NRCAM: variants seen among roughly 807,000 people sequenced by gnomAD.
NRCAM encodes the protein NgCAM-related cell adhesion molecule.
NRCAM carries 83 observed loss-of-function variants against 156.5 expected under a neutral mutation model. The observed-to-expected ratio is 0.53, with a 90% CI of 0.44 to 0.64. NRCAM has a LOEUF of 0.64. Among genes scored for constraint, NRCAM ranks in the 30% least tolerant of loss-of-function variants. The probability of loss-of-function intolerance (pLI) is 0.00; values close to 1 mark genes in which losing one functional copy is unlikely to be tolerated. For synonymous variants in NRCAM, 538 were observed against 563.9 expected, an observed-to-expected ratio of 0.95 and a Z score of 0.65; for missense variants, 1,417 against 1,597.3, an observed-to-expected ratio of 0.89 and a Z score of 1.92.
At chr7:108,406,751 T>G (rs1563666276) in intron 1 of NRCAM, among the ~76,000 whole-genome samples, 1 of 152,248 alleles carries the variant, frequency 6.6e-6, no homozygotes, top group African/African-American at 2.4e-5. Flanking sequence ...TTTGCTTTGA[T>G]GACTCTGAAA....
chr7:108,207,805 T>C lies in NRCAM; in HGVS notation c.1076-146A>G. The C allele has an allele frequency of 8.5e-6, 5 of 589,506 alleles. No individual in the cohort carries two copies. The Admixed American group carries it at 1.4e-4, about 16-fold the overall frequency. 36.5% of individuals were successfully genotyped at this position (589,506 alleles called of 1,614,324 possible). ...TTTGAGCGAATAGATTTATAAACAA[T>C]GCTTCAAAGAACACTTAAGATTTTC... On this transcript the variant is annotated intron_variant, in intron 12 of 32. Coordinates refer to ENST00000379028, the MANE Select transcript of NRCAM (RefSeq NM_001037132.4).
intron 14 of NRCAM, among the ~76,000 whole-genome samples, chr7:108,197,266 C>A (rs1185590745): frequency 6.6e-6 from 1 of 152,146 alleles, no homozygotes; most frequent in East Asian, 1.9e-4. Context: ...GATTAGTGAC[C>A]TTCATTTCAA....
chr7:108,166,804 A>G (rs2054649915), intron 30 of NRCAM, 117 bp downstream of exon 30: 1 of 823,418 alleles, frequency 1.2e-6, no homozygotes, highest in East Asian at 2.7e-5. Context: ...AGGGCCCCAT[A>G]GAAAGACATT....
chr7:108,184,127 T>C, intron 22 of NRCAM, 114 bp downstream of exon 22: 1 of 544,124 alleles, frequency 1.8e-6, no homozygotes, highest in Non-Finnish European at 3.0e-6. Context: ...TATATATATA[T>C]ATTTTTTTTC....
At chr7:108,325,797 G>T (rs1250993193) in intron 2 of NRCAM, among the ~76,000 whole-genome samples, 1 of 151,888 alleles carries the variant, frequency 6.6e-6, no homozygotes, top group African/African-American at 2.4e-5. Context: ...GTAAATATTA[G>T]TTGAATTAGT....
At chr7:108,386,778 T>C (rs2099742123) in intron 2 of NRCAM, among the ~76,000 whole-genome samples, 2 of 152,184 alleles carry the variant, frequency 1.3e-5, no homozygotes, top group South Asian at 2.1e-4. Flanking sequence ...AATGTGGATA[T>C]AGTGATTATT....
intron 3 of NRCAM, among the ~76,000 whole-genome samples, chr7:108,252,050 A>C (rs1246165860): frequency 1.3e-5 from 2 of 152,220 alleles, no homozygotes; most frequent in Non-Finnish European, 2.9e-5. Flanking sequence ...GGGAGGTGGC[A>C]TCAGAAAGAG....
intron 2 of NRCAM, among the ~76,000 whole-genome samples, chr7:108,355,973 G>A (rs962848184): frequency 5.4e-5 from 8 of 148,048 alleles, no homozygotes; most frequent in African/African-American, 7.5e-5. Context: ...ATGGAGTCTC[G>A]CTCTGTTGCC....
chr7:108,220,159 C>T (rs557727128), intron 11 of NRCAM, among the ~76,000 whole-genome samples: 55 of 151,592 alleles, frequency 3.6e-4, no homozygotes, highest in African/African-American at 1.3e-3. Context: ...GGCAAAAGAC[C>T]TCTACAAGGA....
chr7:108,190,280 T>A (rs1454314500), intron 19 of NRCAM, among the ~76,000 whole-genome samples: 1 of 152,200 alleles, frequency 6.6e-6, no homozygotes, highest in Non-Finnish European at 1.5e-5. Flanking sequence ...TCAGCATGCA[T>A]AAGTGTGTTT....
intron 1 of NRCAM, among the ~76,000 whole-genome samples, chr7:108,415,058 A>C (rs1563704742): frequency 6.6e-6 from 1 of 151,922 alleles, no homozygotes; most frequent in African/African-American, 2.4e-5. Context: ...GAAAAAAAAT[A>C]CTCCATTTCT....
chr7:108,180,490 C>T lies in NRCAM; in HGVS notation c.2647-63G>A, dbSNP rs1196154666. ...GAGCAAACAAGATTCCTTATGCTCA[C>T]AAAATTGAAACTGTTGTTTTTCCAG... On this transcript the variant is annotated intron_variant, in intron 24 of 32. Transcript: ENST00000379028. 4.5e-6 allele frequency: 6 copies of T among 1,343,656 alleles called. No individual in the cohort carries two copies. The East Asian group carries it at 6.9e-5, about 16-fold the overall frequency. The allele number at this position is 1,343,656 out of a possible 1,614,324, so 83.2% of individuals were successfully genotyped here.
At chr7:108,231,279 G>T in intron 7 of NRCAM, 126 bp from the exon 8 acceptor site, 1 of 618,678 alleles carries the variant, frequency 1.6e-6, no homozygotes, top group Non-Finnish European at 2.6e-6. Flanking sequence ...CTAAATTAAT[G>T]AGAAAATATT....
At chr7:108,209,356 C>A in intron 12 of NRCAM, 65 bp downstream of exon 12, 3 of 1,125,812 alleles carry the variant, frequency 2.7e-6, no homozygotes, top group Middle Eastern at 2.2e-4. Flanking sequence ...GTAATGAAAA[C>A]CACATTTAAT....
intron 2 of NRCAM, among the ~76,000 whole-genome samples, chr7:108,392,020 T>G (rs1276242232): frequency 6.6e-6 from 1 of 152,234 alleles, no homozygotes; most frequent in Non-Finnish European, 1.5e-5. Context: ...TTTCCTTCAT[T>G]TCAACTTTGG....
intron 32 of NRCAM, 27 bp from the exon 33 acceptor site, chr7:108,150,174 C>T: frequency 6.4e-7 from 1 of 1,556,620 alleles, no homozygotes; most frequent in Non-Finnish European, 8.7e-7. Flanking sequence ...ACATTTTTGT[C>T]AAGATTGGCA....
At chr7:108,300,496 G>C (rs1288960266) in intron 3 of NRCAM, among the ~76,000 whole-genome samples, 1 of 152,070 alleles carries the variant, frequency 6.6e-6, no homozygotes, top group Non-Finnish European at 1.5e-5. Context: ...GCATCCCTGG[G>C]TAAGTTGAGA....
intron 2 of NRCAM, among the ~76,000 whole-genome samples, chr7:108,370,462 T>C (rs1027502007): frequency 6.6e-6 from 1 of 152,010 alleles, no homozygotes; most frequent in African/African-American, 2.4e-5. Context: ...ATAATAAGCA[T>C]GGATAGCAAA....
chr7:108,358,420 A>G (rs1563421226), intron 2 of NRCAM, among the ~76,000 whole-genome samples: 2 of 151,678 alleles, frequency 1.3e-5, no homozygotes, highest in Non-Finnish European at 1.5e-5. Flanking sequence ...AAAAACCAAA[A>G]AACCCCCAAA....
Sources: allele counts gnomAD v4.1 joint callset (sites outside exome capture counted in the v4.1 genomes callset), GRCh38; gene constraint gnomAD v4.1.1; transcripts MANE v1.5; gene names NCBI Gene and HGNC (gene_info 2026-07-23, HGNC 2026-07-21).